Variants in FAN1 observed in about 807,000 individuals in gnomAD.
The protein encoded by FAN1 is FANCD2 and FANCI associated nuclease 1, also known as fanconi-associated nuclease 1.
In FAN1, 91 loss-of-function variants were observed where a neutral mutation model predicts 104.9. The ratio of observed to expected loss-of-function variants is 0.87; its 90% CI spans 0.73 to 1.03. FAN1 has a LOEUF of 1.03. Ranked by LOEUF, FAN1 falls within the 50% of genes least tolerant of loss-of-function variation. The probability of loss-of-function intolerance (pLI) is 0.00; values close to 1 mark genes in which losing one functional copy is unlikely to be tolerated. For missense variants in FAN1, 1,263 were observed against 1,239.9 expected, an observed-to-expected ratio of 1.02 and a Z score of -0.28; for synonymous variants, 478 against 457.6, an observed-to-expected ratio of 1.04 and a Z score of -0.57.
intron 1 of FAN1, 136 bp from the exon 2 acceptor site, chr15:30,904,376 G>A (rs892569227): frequency 5.7e-6 from 3 of 521,760 alleles, no homozygotes; most frequent in East Asian, 3.5e-5. Context: ...CTTGTCGGAG[G>A]GGCTTGGTCT....
Position 30,927,755 on chromosome 15 carries a change from G to T in FAN1, c.2489-798G>T, listed in dbSNP as rs139177366. 1.0e-3 allele frequency: 985 copies of T among 985,786 alleles called. 2 individuals are homozygous for T. Among genetic ancestry groups the T allele is most frequent in the South Asian group, 2.1e-3 (45 of 21,294 alleles). The allele number at this position is 985,786 out of a possible 1,614,324, so 61.1% of individuals were successfully genotyped here. ...CTCCTCCTCTGTCGGGAGGGCTGAT[G>T]TGCAGAGAAGTACGGACTTGGAGGG... On this transcript the variant is annotated intron_variant, in intron 10 of 14. Transcript: ENST00000362065.
Position 30,905,842 on chromosome 15 carries a change from G to C in FAN1, c.1179G>C (p.Met393Ile). 2 of 1,614,018 alleles carry C rather than the reference G, an allele frequency of 1.2e-6. No homozygotes were observed. The highest frequency in any genetic ancestry group is 1.7e-6 in the Non-Finnish European group (2 of 1,179,868). ...LKTVLENEDD[M>I]LLFDEQEKGI... ...CCGTACTTGAGAATGAAGATGATAT[G>C]TTGCTCTTTGATGAGCAGGAGAAGG... is the stretch of plus-strand genomic sequence containing the variant. Residue 393 changes from methionine to isoleucine, a missense_variant, in exon 2 of 15, where the codon ATG becomes ATC. Transcript: ENST00000362065.
At chr15:30,926,616 G>A (rs2062470121) in intron 10 of FAN1, 2 of 985,092 alleles carry the variant, frequency 2.0e-6, no homozygotes, top group Admixed American at 6.1e-5. Flanking sequence ...AGGGAAGGGT[G>A]ATGTTATTGG....
chr15:30,922,479 T>A, intron 8 of FAN1, 125 bp downstream of exon 8: 1 of 1,022,190 alleles, frequency 9.8e-7, no homozygotes, highest in Non-Finnish European at 1.4e-6. Flanking sequence ...TTAACATTCT[T>A]CTTTTGTCTG....
At chr15:30,940,535 A>C in intron 14 of FAN1, 1 of 985,534 alleles carries the variant, frequency 1.0e-6, no homozygotes, top group Non-Finnish European at 1.2e-6. Flanking sequence ...ACCACACTGG[A>C]AATACTGATG....
chr15:30,905,100 G>C lies in FAN1; in HGVS notation c.437G>C (p.Ser146Thr). The change falls in exon 2 of 15, where the codon AGT becomes ACT. Residue 146 changes from serine (S) to threonine (T), a missense_variant. Coordinates refer to ENST00000362065, the MANE Select transcript of FAN1 (RefSeq NM_014967.5). ...CKNQDELRNRSVKVICLGSLA... is the reference protein window; with the variant it reads ...CKNQDELRNRTVKVICLGSLA... ...AATCAAGATGAGCTGAGAAATCGTA[G>C]TGTGAAAGTCATTTGTTTGGGAAGC... 1.2e-6 allele frequency: 2 copies of C among 1,614,058 alleles called. No homozygotes were observed. The highest frequency in any genetic ancestry group is 8.5e-7 in the Non-Finnish European group (1 of 1,179,984).
At chr15:30,911,542 A>G in intron 4 of FAN1, 4 of 978,778 alleles carry the variant, frequency 4.1e-6, no homozygotes, top group Non-Finnish European at 4.9e-6. Context: ...TAAGGCAGAC[A>G]TTAAGAAAAA....
chr15:30,929,429 C>G (rs1448982653), intron 12 of FAN1, 32 bp downstream of exon 12: 2 of 1,560,942 alleles, frequency 1.3e-6, no homozygotes, highest in Admixed American at 1.9e-5. Flanking sequence ...AGGATTTGCT[C>G]AGAAAGTTAA....
At chr15:30,928,506 T>TTGTGTGTGTGTGTGTGTGTGTGTG (rs61136501) in intron 10 of FAN1, 47 bp from the exon 11 acceptor site, 2 of 1,303,828 alleles carry the variant, frequency 1.5e-6, no homozygotes, top group African/African-American at 3.1e-5. Flanking sequence ...AAAACAGATT[T>TTGTGTGTGTGTGTGTGTGTGTGTG]TGTGTGTGTG....
intron 14 of FAN1, chr15:30,940,624 A>G (rs2063013107): frequency 1.0e-6 from 1 of 985,696 alleles, no homozygotes; most frequent in South Asian, 4.7e-5. Context: ...TCTCCTGTCT[A>G]CAGCATACAC....
intron 14 of FAN1, chr15:30,941,237 G>T: frequency 7.0e-7 from 1 of 1,428,688 alleles, no homozygotes; most frequent in African/African-American, 1.4e-5. Flanking sequence ...GTTTGATCAC[G>T]GTTACAAGAG....
chr15:30,922,739 G>C lies in FAN1; in HGVS notation c.2172+385G>C, dbSNP rs565550947. Among the ~76,000 whole-genome samples the C allele has an allele frequency of 2.0e-5, 3 of 152,330 alleles. No homozygotes were observed. The East Asian group carries it at 5.8e-4, about 29-fold the overall frequency. ...GTGACTTTGTTGATTTGTAGCACAG[G>C]GTCTCTAGGTAGAAAGATTGGCGAG... On this transcript the variant is annotated intron_variant, in intron 8 of 14. Transcript: ENST00000362065.
intron 6 of FAN1, among the ~76,000 whole-genome samples, chr15:30,919,582 G>T (rs1299122276): frequency 5.3e-5 from 8 of 151,444 alleles, no homozygotes. Flanking sequence ...TCCCAGCCTC[G>T]GAAGGCTGAG....
chr15:30,933,684 T>C (rs1197045210), intron 13 of FAN1, among the ~76,000 whole-genome samples: 1 of 152,232 alleles, frequency 6.6e-6, no homozygotes, highest in Admixed American at 6.5e-5. Context: ...TACTGATTTC[T>C]TATTTACTTG....
At chr15:30,907,068 C>CTTT (rs142567267) in intron 2 of FAN1, among the ~76,000 whole-genome samples, 1 of 140,730 alleles carries the variant, frequency 7.1e-6, no homozygotes, top group Non-Finnish European at 1.6e-5. Context: ...TTGTTTTTGC[C>CTTT]TTTTTTTTTT....
chr15:30,910,193 G>A (rs768669801), intron 3 of FAN1, among the ~76,000 whole-genome samples: 2 of 152,230 alleles, frequency 1.3e-5, no homozygotes, highest in Admixed American at 6.5e-5. Context: ...ACAGGCTCAC[G>A]AATGCCGAGT....
rs752155823 is a variant in FAN1, at chr15:30,930,520, ACTGTC to A, written c.2788-18_2788-14del. ...TTCTCTGTCACGAGGGAAGTGGCTA[ACTGTC>A]CTGTGTTTTGTGTTCAGGATCTTGT... On this transcript the variant is annotated intron_variant, in intron 12 of 14. Coordinates refer to ENST00000362065, the MANE Select transcript of FAN1 (RefSeq NM_014967.5). 5.7e-6 allele frequency: 9 copies of A among 1,570,420 alleles called. No homozygotes were observed. Among genetic ancestry groups the A allele is most frequent in the African/African-American group, 2.8e-5 (2 of 72,186 alleles).
At chr15:30,935,745 G>A (rs891479619) in intron 13 of FAN1, among the ~76,000 whole-genome samples, 5 of 151,822 alleles carry the variant, frequency 3.3e-5, no homozygotes, top group African/African-American at 4.9e-5. Flanking sequence ...TATTTTCTCC[G>A]TGCAATGAAT....
intron 4 of FAN1, chr15:30,911,401 G>C: frequency 1.0e-6 from 1 of 984,796 alleles, no homozygotes. Flanking sequence ...ATGAGAGGAT[G>C]CTTTTGAAAA....
Sources: allele counts gnomAD v4.1 joint callset (sites outside exome capture counted in the v4.1 genomes callset), GRCh38; gene constraint gnomAD v4.1.1; transcripts MANE v1.5; gene names NCBI Gene and HGNC (gene_info 2026-07-23, HGNC 2026-07-21).